Variants in HMCN2 observed in about 807,000 individuals in gnomAD.
HMCN2 encodes the protein hemicentin 2.
A neutral mutation model predicts 377.5 loss-of-function variants in HMCN2; 325 were observed. That is an observed-to-expected ratio of 0.86 (90% CI 0.79 to 0.94). HMCN2 has a LOEUF of 0.94. HMCN2 is among the 40% of genes least tolerant of loss of function. The pLI is 0.00. For missense variants in HMCN2, 4,543 were observed against 4,725.3 expected (o/e 0.96, Z 1.13); for synonymous variants, 2,007 against 2,046.8 (o/e 0.98, Z 0.53).
intron 25 of HMCN2, among the ~76,000 whole-genome samples, chr9:130,345,619 T>C (rs898777300): frequency 2.0e-5 from 3 of 150,914 alleles, no homozygotes; most frequent in African/African-American, 7.3e-5. Flanking sequence ...TGGTGTGTGG[T>C]GTGTGTATCG....
At position 130,303,015 on chromosome 9, in the gene HMCN2, G is replaced by C. The variant is rs965038672; in HGVS notation, c.1421+14G>C. ...GAGGCACTTTCAGTGAGTGGCCCAC[G>C]GCAGCTGATTGTCCCCAGCCACAGG... On this transcript the variant is annotated intron_variant, in intron 9 of 97. Transcript: ENST00000683500. The surrounding 1 kb of genome is among the most constrained non-coding windows in gnomAD (Gnocchi z 5.2). 2.2e-6 allele frequency: 1 copy of C among 463,246 alleles called. No homozygotes were observed. Among genetic ancestry groups the C allele is most frequent in the Non-Finnish European group, 4.5e-6 (1 of 223,146 alleles). 28.7% of individuals were successfully genotyped at this position (463,246 alleles called of 1,614,324 possible). A position where few individuals can be genotyped will look rare whatever the true frequency, so the allele number is the denominator to read the frequency against.
chr9:130,304,800 C>T lies in HMCN2; in HGVS notation c.1614C>T (p.Cys538=), dbSNP rs1374030129. Residue 538 remains cysteine, a synonymous_variant, in exon 11 of 98, where the codon TGC becomes TGT. Transcript: ENST00000683500. The surrounding 1 kb of genome is among the most constrained non-coding windows in gnomAD (Gnocchi z 4.3). ...CAGGGGAGACTGCCGTCCTATCCTG[C>T]CGGGTCCTAGGCGAGGCCCCCTACA... ...VSPGETAVLS[C]RVLGEAPYNL... is the part of the protein sequence containing the mutation. 2.1e-6 allele frequency: 1 copy of T among 471,276 alleles called. No individual in the cohort carries two copies. The highest frequency in any genetic ancestry group is 4.4e-6 in the Non-Finnish European group (1 of 227,064). The allele number at this position is 471,276 out of a possible 1,614,324, so 29.2% of individuals were successfully genotyped here. A position where few individuals can be genotyped will look rare whatever the true frequency, so the allele number is the denominator to read the frequency against.
chr9:130,321,544 G>A (rs945925314), intron 18 of HMCN2, among the ~76,000 whole-genome samples: 12 of 152,022 alleles, frequency 7.9e-5, no homozygotes, highest in Admixed American at 1.3e-4. Flanking sequence ...CCAGTTGGCC[G>A]AGGGAGAGGT....
At chr9:130,282,824 A>C (rs1835196390) in intron 1 of HMCN2, among the ~76,000 whole-genome samples, 1 of 152,208 alleles carries the variant, frequency 6.6e-6, no homozygotes, top group Non-Finnish European at 1.5e-5. Context: ...TAATCCCAGC[A>C]CTTTGGGAGG....
At chr9:130,344,589 G>A (rs1162530981) in intron 25 of HMCN2, among the ~76,000 whole-genome samples, 2 of 149,758 alleles carry the variant, frequency 1.3e-5, no homozygotes, top group Admixed American at 6.7e-5. Flanking sequence ...GTGTTTGTAT[G>A]TTGTGTGTAT....
intron 15 of HMCN2, among the ~76,000 whole-genome samples, chr9:130,313,843 G>C (rs909397733): frequency 0.022 from 3,082 of 138,488 alleles, 47 homozygotes; most frequent in Middle Eastern, 0.045. Context: ...GCAGTGGCAC[G>C]ATCTTGGCTC....
rs1229584814 is a variant in HMCN2 at position 130,384,442 on chromosome 9, C to T, written c.8900C>T (p.Pro2967Leu). ...ATCCTCAACAGCAGCGTCTCCCTCC[C>T]TTGCGACGTCCACGCTCACCCAAAC... ...TAILNSSVSL[P>L]CDVHAHPNPE... The change falls in exon 58 of 98, where the codon CCT becomes CTT. Residue 2967 changes from proline to leucine, a missense_variant. Around this residue, in one of 5 missense-constraint regions of HMCN2, gnomAD observed 736 missense variants for 773.2 expected, o/e 0.95. Transcript: ENST00000683500. 1.5e-6 allele frequency: 2 copies of T among 1,304,040 alleles called. No individual in the cohort carries two copies. Among genetic ancestry groups the T allele is most frequent in the Non-Finnish European group, 2.0e-6 (2 of 988,952 alleles). The allele number at this position is 1,304,040 out of a possible 1,614,324, so 80.8% of individuals were successfully genotyped here.
intron 43 of HMCN2, among the ~76,000 whole-genome samples, chr9:130,367,310 G>A (rs1285822338): frequency 2.0e-5 from 3 of 152,126 alleles, no homozygotes. Context: ...GGAGAGGTCT[G>A]GGCTAGGAAG....
intron 25 of HMCN2, among the ~76,000 whole-genome samples, chr9:130,343,532 C>T (rs1839178273): frequency 6.6e-6 from 1 of 152,164 alleles, no homozygotes; most frequent in Non-Finnish European, 1.5e-5. Flanking sequence ...CCTGGCCCCC[C>T]GACCCTCCCC....
chr9:130,356,196 C>T lies in HMCN2; in HGVS notation c.5364C>T (p.Phe1788=), dbSNP rs10113895. ...DHVELDHSGL[F]ACQATNEAGT... is the part of the protein sequence containing the mutation. ...TGGAGCTGGACCACTCAGGCCTCTT[C>T]GCCTGCCAGGCCACCAATGAGGCGG... Residue 1788 remains phenylalanine, a synonymous_variant, in exon 34 of 98, where the codon TTC becomes TTT. Coordinates refer to ENST00000683500, the MANE Select transcript of HMCN2 (RefSeq NM_001291815.2). The T allele has an allele frequency of 6.4e-3, 8,324 of 1,302,996 alleles. 403 individuals carry two copies. In the African/African-American group the frequency reaches 0.11, roughly 17 times the overall value. The allele number at this position is 1,302,996 out of a possible 1,614,324, so 80.7% of individuals were successfully genotyped here.
chr9:130,431,429 TACCAGTGCCTGTGCCCC>T lies in HMCN2; in HGVS notation c.14711_14727del (p.Tyr4904CysfsTer308). On this transcript the variant is annotated frameshift_variant, in exon 96 of 98. Transcript: ENST00000683500. LOFTEE classifies it high-confidence loss of function. ...CGCCTGCCGCAACACTGAGGGCAGCTACCAGTGCCTGTGCCCCGCCGGCTACCGTCTGCTCCCCAGCG... is the reference window on the plus strand; with the variant it reads ...CGCCTGCCGCAACACTGAGGGCAGCTGCCGGCTACCGTCTGCTCCCCAGCG... 6.5e-7 allele frequency: 1 copy of T among 1,550,160 alleles called. No individual in the cohort carries two copies. The highest frequency in any genetic ancestry group is 1.4e-5 in the African/African-American group (1 of 73,040).
chr9:130,430,139 G>C, intron 94 of HMCN2, 145 bp from the exon 95 acceptor site: 2 of 695,562 alleles, frequency 2.9e-6, no homozygotes, highest in Non-Finnish European at 2.4e-6. Flanking sequence ...CCGGGAGAGG[G>C]GGATGCAGCG....
rs60296412 is a variant in HMCN2 at position 130,395,128 on chromosome 9, T to TGGGGGGGGGGGGGGGGG, written c.10774+25_10774+26insGGGGGGGGGGGGGGGGG. On this transcript the variant is annotated intron_variant, in intron 70 of 97. Transcript: ENST00000683500. The stretch of plus-strand genomic sequence containing the variant: ...TTCAAGGTAGGTGGTGGGGGTGGGG[T>TGGGGGGGGGGGGGGGGG]GGGGGCAGGGCCGGGAGGCAGGACG... 2.6e-5 allele frequency: 2 copies of TGGGGGGGGGGGGGGGGG among 77,728 alleles called. No homozygotes were observed. The highest frequency in any genetic ancestry group is 2.1e-4 in the South Asian group (1 of 4,794). 4.8% of individuals were successfully genotyped at this position (77,728 alleles called of 1,614,324 possible).
At chr9:130,313,271 G>C (rs1032204952) in intron 15 of HMCN2, among the ~76,000 whole-genome samples, 10 of 151,834 alleles carry the variant, frequency 6.6e-5, no homozygotes, top group African/African-American at 1.2e-4. Flanking sequence ...GCTTCCTGCT[G>C]TTGAGCTGAG....
At position 130,364,771 on chromosome 9, in the gene HMCN2, T is replaced by C; in HGVS notation, c.6290T>C (p.Val2097Ala). The C allele has an allele frequency of 7.1e-6, 7 of 985,908 alleles. No individual in the cohort carries two copies. In the South Asian group the frequency reaches 2.3e-4, roughly 33 times the overall value. The allele number at this position is 985,908 out of a possible 1,614,324, so 61.1% of individuals were successfully genotyped here. ...GTGTCCGTTGTGGCCAATGAGTCAG[T>C]GGCCCTGGAGTGCCAGAGCCACGCC... ...LNVSVVANES[V>A]ALECQSHAMP... Residue 2097 changes from valine (V) to alanine (A), a missense_variant, in exon 41 of 98, where the codon GTG (valine) becomes GCG (alanine). By Grantham distance (64) the Val-to-Ala change is moderately conservative. Transcript: ENST00000683500.
chr9:130,359,939 G>A (rs541644228), intron 37 of HMCN2, among the ~76,000 whole-genome samples: 2 of 152,138 alleles, frequency 1.3e-5, no homozygotes, highest in East Asian at 1.9e-4. Context: ...GACATGTCCC[G>A]GCAGGATGCA....
chr9:130,403,857 A>G lies in HMCN2; in HGVS notation c.12130A>G (p.Thr4044Ala), dbSNP rs1842967202. The change falls in exon 80 of 98, where the codon ACG becomes GCG. Residue 4044 changes from threonine to alanine, a missense_variant. Physicochemically the swap from Thr to Ala is moderately conservative, Grantham distance 58. Transcript: ENST00000683500. ...KNSAGSAMGK[T>A]RLVVQVPPVI... ...CAGTGCGGGCAGTGCCATGGGGAAG[A>G]CGCGGCTGGTGGTGCAAGGTGGGAG... 7.8e-7 allele frequency: 1 copy of G among 1,289,494 alleles called. No homozygotes were observed. Among genetic ancestry groups the G allele is most frequent in the Non-Finnish European group, 1.0e-6 (1 of 988,644 alleles). The allele number at this position is 1,289,494 out of a possible 1,614,324, so 79.9% of individuals were successfully genotyped here.
At position 130,398,690 on chromosome 9, in the gene HMCN2, G is replaced by A; in HGVS notation, c.11466G>A (p.Leu3822=). The A allele has an allele frequency of 2.3e-6, 3 of 1,289,496 alleles. No homozygotes were observed. The highest frequency in any genetic ancestry group is 1.2e-5 in the South Asian group (1 of 80,988). 79.9% of individuals were successfully genotyped at this position (1,289,496 alleles called of 1,614,324 possible). A position where few individuals can be genotyped will look rare whatever the true frequency, so the allele number is the denominator to read the frequency against. Residue 3822 remains leucine, a synonymous_variant, in exon 75 of 98, where the codon CTG becomes CTA. Coordinates refer to ENST00000683500, the MANE Select transcript of HMCN2 (RefSeq NM_001291815.2). ...ACGGACAGAAGCTGGACTTCCGCCT[G>A]CAGCAGGGCGCCTACCGGTAACGAG... is the stretch of plus-strand genomic sequence containing the variant. ...WKDGQKLDFR[L]QQGAYRLLPS...
intron 55 of HMCN2, 42 bp from the exon 56 acceptor site, chr9:130,382,637 G>A: frequency 1.3e-6 from 1 of 774,532 alleles, no homozygotes. Flanking sequence ...CCGCCCCCAG[G>A]GACCTGTGCC....
Sources: allele counts gnomAD v4.1 joint callset (sites outside exome capture counted in the v4.1 genomes callset), GRCh38; gene constraint gnomAD v4.1.1; regional missense constraint gnomAD v4.1.1; non-coding constraint Gnocchi (gnomAD v3.1); transcripts MANE v1.5; gene names NCBI Gene and HGNC (gene_info 2026-07-23, HGNC 2026-07-21).